Variants in ARHGEF28 observed in about 807,000 individuals in gnomAD.
ARHGEF28 encodes 190 kDa guanine nucleotide exchange factor.
ARHGEF28 carries 152 observed loss-of-function variants against 206.6 expected under a neutral mutation model. The observed-to-expected ratio is 0.74, with a 90% CI of 0.64 to 0.84. The LOEUF (loss-of-function observed/expected upper bound fraction) is 0.84, where lower values mean the gene tolerates loss of function less well. Among genes scored for constraint, ARHGEF28 ranks in the 40% least tolerant of loss-of-function variants. The pLI is 0.00. For missense variants in ARHGEF28, 2,028 were observed against 2,073.2 expected, an observed-to-expected ratio of 0.98 and a Z score of 0.42; for synonymous variants, 763 against 776.4, an observed-to-expected ratio of 0.98 and a Z score of 0.29.
chr5:73,910,839 T>C (rs1377772314), intron 34 of ARHGEF28, among the ~76,000 whole-genome samples: 1 of 152,246 alleles, frequency 6.6e-6, no homozygotes, highest in Non-Finnish European at 1.5e-5. Flanking sequence ...GTATGTTTTT[T>C]TACTGATAGT....
At chr5:73,686,167 G>A (rs1172862344) in intron 2 of ARHGEF28, among the ~76,000 whole-genome samples, 1 of 152,104 alleles carries the variant, frequency 6.6e-6, no homozygotes, top group African/African-American at 2.4e-5. Context: ...GCCATAAAAT[G>A]TGCCTGTAGA....
chr5:73,715,748 A>G (rs1749545209), intron 2 of ARHGEF28, among the ~76,000 whole-genome samples: 1 of 152,354 alleles, frequency 6.6e-6, no homozygotes, highest in South Asian at 2.1e-4. Context: ...AAGTGCTACT[A>G]TCGTGATACG....
intron 7 of ARHGEF28, among the ~76,000 whole-genome samples, chr5:73,792,302 A>G (rs1343650715): frequency 2.0e-5 from 3 of 152,184 alleles, no homozygotes; most frequent in African/African-American, 7.2e-5. Flanking sequence ...TAGGCATGGC[A>G]AGCTATAAAA....
intron 2 of ARHGEF28, among the ~76,000 whole-genome samples, chr5:73,741,245 C>T (rs537223338): frequency 6.6e-6 from 1 of 151,134 alleles, no homozygotes; most frequent in Non-Finnish European, 1.5e-5. Flanking sequence ...TTGTCTTTTA[C>T]TTAGTTCTGC....
intron 1 of ARHGEF28, among the ~76,000 whole-genome samples, chr5:73,653,016 A>C (rs1490067339): frequency 1.3e-5 from 2 of 152,234 alleles, no homozygotes; most frequent in Non-Finnish European, 2.9e-5. Flanking sequence ...GGTACTTTAC[A>C]TACATTTGGC....
chr5:73,664,254 G>T (rs1290626297), intron 1 of ARHGEF28, among the ~76,000 whole-genome samples: 1 of 152,170 alleles, frequency 6.6e-6, no homozygotes, highest in Non-Finnish European at 1.5e-5. Context: ...TCTTTTGTTT[G>T]TTTGCTTCAT....
chr5:73,784,663 G>T (rs1754046723), intron 7 of ARHGEF28, among the ~76,000 whole-genome samples: 2 of 151,986 alleles, frequency 1.3e-5, no homozygotes, highest in Non-Finnish European at 2.9e-5. Flanking sequence ...TTATCTTTGG[G>T]GGATAAGTTC....
chr5:73,711,019 T>C (rs1422604221), intron 2 of ARHGEF28, among the ~76,000 whole-genome samples: 1 of 152,196 alleles, frequency 6.6e-6, no homozygotes, highest in Non-Finnish European at 1.5e-5. Flanking sequence ...AAATTTTAAA[T>C]AAGTAGTTCA....
intron 16 of ARHGEF28, among the ~76,000 whole-genome samples, chr5:73,860,260 A>G (rs148499111): frequency 2.0e-5 from 3 of 152,326 alleles, no homozygotes; most frequent in East Asian, 1.9e-4. Flanking sequence ...TCCTGTATTA[A>G]TATCTTCTTT....
At chr5:73,773,034 T>C (rs1753310810) in intron 4 of ARHGEF28, among the ~76,000 whole-genome samples, 1 of 152,218 alleles carries the variant, frequency 6.6e-6, no homozygotes, top group Non-Finnish European at 1.5e-5. Flanking sequence ...AACTAAGTAA[T>C]TTAAATACAC....
At chr5:73,783,124 C>T (rs1039658804) in intron 7 of ARHGEF28, among the ~76,000 whole-genome samples, 1 of 152,176 alleles carries the variant, frequency 6.6e-6, no homozygotes, top group African/African-American at 2.4e-5. Context: ...AACAAGCTCT[C>T]ATGGCACAGT....
At chr5:73,804,643 GC>G (rs1755336046) in intron 9 of ARHGEF28, among the ~76,000 whole-genome samples, 1 of 151,986 alleles carries the variant, frequency 6.6e-6, no homozygotes, top group African/African-American at 2.4e-5. Context: ...GGATCAAGCT[GC>G]CGTTAATAAA....
At chr5:73,705,599 G>T (rs890959475) in intron 2 of ARHGEF28, among the ~76,000 whole-genome samples, 1 of 151,850 alleles carries the variant, frequency 6.6e-6, no homozygotes, top group Non-Finnish European at 1.5e-5. Flanking sequence ...GCCATTGTGT[G>T]CATGCCTCTG....
chr5:73,856,321 A>G (rs1759030615), intron 14 of ARHGEF28, among the ~76,000 whole-genome samples: 1 of 152,156 alleles, frequency 6.6e-6, no homozygotes, highest in Non-Finnish European at 1.5e-5. Flanking sequence ...GTTTAATTCT[A>G]TTCACTTCCT....
intron 2 of ARHGEF28, among the ~76,000 whole-genome samples, chr5:73,724,888 A>G (rs1310975785): frequency 6.6e-6 from 1 of 152,240 alleles, no homozygotes; most frequent in Non-Finnish European, 1.5e-5. Context: ...ATATAAGTTT[A>G]TACAACACCT....
rs150515956 is a variant in ARHGEF28, at chr5:73,732,071, T to C, written c.34-17766T>C. Among the ~76,000 whole-genome samples, 1,138 of 150,650 alleles carry C rather than the reference T, an allele frequency of 7.6e-3. 11 individuals carry two copies. Among genetic ancestry groups the C allele is most frequent in the African/African-American group, 0.027 (1,099 of 40,998 alleles). On this transcript the variant is annotated intron_variant, in intron 2 of 35. Transcript: ENST00000513042. Reference sequence around the variant, plus strand: ...AACTAACATTGACACATCATCATCATCGAAAATCTGTAGTTTACATTAGGG... The same window carrying C: ...AACTAACATTGACACATCATCATCACCGAAAATCTGTAGTTTACATTAGGG...
At chr5:73,746,573 T>C (rs941820682) in intron 2 of ARHGEF28, among the ~76,000 whole-genome samples, 1 of 152,160 alleles carries the variant, frequency 6.6e-6, no homozygotes, top group African/African-American at 2.4e-5. Context: ...TATTCAATAA[T>C]GAAAACTTTT....
At chr5:73,716,608 T>C (rs2112320230) in intron 2 of ARHGEF28, among the ~76,000 whole-genome samples, 1 of 152,270 alleles carries the variant, frequency 6.6e-6, no homozygotes, top group African/African-American at 2.4e-5. Context: ...TCAGTTTGCT[T>C]TGTTGTGGAT....
intron 2 of ARHGEF28, among the ~76,000 whole-genome samples, chr5:73,708,692 G>T (rs1015635881): frequency 6.6e-6 from 1 of 152,020 alleles, no homozygotes; most frequent in Admixed American, 6.5e-5. Flanking sequence ...TATCTTTTTG[G>T]TAGACCAATT....
Sources: gnomAD v4.1 joint callset for allele counts (sites outside exome capture counted in the v4.1 genomes callset) on GRCh38, gnomAD v4.1.1 for gene constraint, MANE v1.5 for transcripts, NCBI Gene and HGNC (gene_info 2026-07-23, HGNC 2026-07-21) for gene names.